TENM3: variants seen among roughly 807,000 people sequenced by gnomAD.
TENM3 encodes teneurin transmembrane protein 3.
In TENM3, 63 loss-of-function variants were observed where a neutral mutation model predicts 255.1. That is an observed-to-expected ratio of 0.25 (90% CI 0.20 to 0.30). The LOEUF is 0.30. Ranked by LOEUF, TENM3 falls within the 10% of genes least tolerant of loss-of-function variation. TENM3 has a pLI of 1.00. For missense variants in TENM3, 2,929 were observed against 3,461.1 expected (o/e 0.85, Z 3.86); for synonymous variants, 1,306 against 1,322.3 (o/e 0.99, Z 0.27).
intron 1 of TENM3, among the ~76,000 whole-genome samples, chr4:182,296,197 A>C (rs143688320): frequency 6.6e-6 from 1 of 152,160 alleles, no homozygotes; most frequent in Non-Finnish European, 1.5e-5. Flanking sequence ...TCCCGACCTC[A>C]GATGATTCGC....
chr4:181,745,420 G>A, the TENM3 span, among the ~76,000 whole-genome samples: 3 of 152,162 alleles, frequency 2.0e-5, no homozygotes, highest in Non-Finnish European at 2.9e-5. Flanking sequence ...AAGGGAGAAA[G>A]CGTTTTTTAA....
chr4:181,783,949 C>G, the TENM3 span, among the ~76,000 whole-genome samples: 1 of 152,162 alleles, frequency 6.6e-6, no homozygotes, highest in Non-Finnish European at 1.5e-5. Context: ...AGTCCTCCAG[C>G]CTTGGCCTCC....
At chr4:181,888,526 ACATATATG>A in the TENM3 span, among the ~76,000 whole-genome samples, 26 of 87,722 alleles carry the variant, frequency 3.0e-4, no homozygotes, top group African/African-American at 1.4e-3. Context: ...GTATATATAT[ACATATATG>A]TGTATATATA....
chr4:181,728,777 A>G, the TENM3 span, among the ~76,000 whole-genome samples: 1 of 152,142 alleles, frequency 6.6e-6, no homozygotes, highest in East Asian at 1.9e-4. Context: ...CCTCCTGGGA[A>G]TGCAGCCCAG....
chr4:182,431,052 CAAACAA>C (rs1771604784), intron 3 of TENM3, among the ~76,000 whole-genome samples: 1 of 141,130 alleles, frequency 7.1e-6, no homozygotes, highest in Non-Finnish European at 1.5e-5. Context: ...AACAAACAAA[CAAACAA>C]ATAAATAACT....
chr4:181,840,081 T>C, the TENM3 span, among the ~76,000 whole-genome samples: 1 of 152,114 alleles, frequency 6.6e-6, no homozygotes, highest in South Asian at 2.1e-4. Context: ...TGCATGTTTT[T>C]ATTGCCTTTT....
chr4:181,912,750 C>T, the TENM3 span, among the ~76,000 whole-genome samples: 1 of 148,744 alleles, frequency 6.7e-6, no homozygotes, highest in African/African-American at 2.5e-5. Context: ...CCAGCCTGGG[C>T]CACAAAGCAA....
At chr4:181,472,550 G>C in the TENM3 span, among the ~76,000 whole-genome samples, 4 of 152,096 alleles carry the variant, frequency 2.6e-5, no homozygotes, top group African/African-American at 4.8e-5. Context: ...GAGCACAGGG[G>C]AGGTGACTTC....
chr4:181,473,284 G>A, the TENM3 span, among the ~76,000 whole-genome samples: 2 of 152,076 alleles, frequency 1.3e-5, no homozygotes, highest in Non-Finnish European at 2.9e-5. Context: ...TGAGAAAACT[G>A]TTAAATAAGA....
At chr4:181,714,715 T>A in the TENM3 span, among the ~76,000 whole-genome samples, 1 of 152,350 alleles carries the variant, frequency 6.6e-6, no homozygotes, top group South Asian at 2.1e-4. Context: ...GAGTTCTTTT[T>A]TTATGAAAAT....
chr4:182,383,290 C>T (rs1425920287), intron 3 of TENM3, among the ~76,000 whole-genome samples: 3 of 151,980 alleles, frequency 2.0e-5, no homozygotes, highest in Non-Finnish European at 4.4e-5. Flanking sequence ...TGGGGGTTCT[C>T]TCTAAACTGA....
At chr4:182,392,841 T>C (rs534834522) in intron 3 of TENM3, among the ~76,000 whole-genome samples, 1 of 152,274 alleles carries the variant, frequency 6.6e-6, no homozygotes, top group East Asian at 1.9e-4. Context: ...TAGGAGAAGC[T>C]GTCTGAGCTA....
At chr4:182,583,509 T>C (rs962572723) in intron 3 of TENM3, among the ~76,000 whole-genome samples, 1 of 152,120 alleles carries the variant, frequency 6.6e-6, no homozygotes, top group African/African-American at 2.4e-5. Flanking sequence ...GAGTAAAATA[T>C]GTTAGTGATA....
chr4:182,486,868 C>G (rs1337621328), intron 3 of TENM3, among the ~76,000 whole-genome samples: 1 of 152,196 alleles, frequency 6.6e-6, no homozygotes, highest in Non-Finnish European at 1.5e-5. Flanking sequence ...TAAGATGAGT[C>G]TAGTCCCTTG....
At chr4:181,637,011 C>T in the TENM3 span, among the ~76,000 whole-genome samples, 914 of 152,270 alleles carry the variant, frequency 6.0e-3, 9 homozygotes, top group African/African-American at 0.02. Flanking sequence ...ACACACTGCA[C>T]ATTCGGTTTC....
intron 3 of TENM3, among the ~76,000 whole-genome samples, chr4:182,496,934 TAC>T (rs752019156): frequency 6.6e-6 from 1 of 152,176 alleles, no homozygotes; most frequent in Non-Finnish European, 1.5e-5. Context: ...TATTGTAGAA[TAC>T]ACCAGAATAA....
intron 2 of TENM3, among the ~76,000 whole-genome samples, chr4:182,329,069 AC>A (rs1323560410): frequency 6.6e-6 from 1 of 151,958 alleles, no homozygotes; most frequent in Non-Finnish European, 1.5e-5. Flanking sequence ...TGTATCTTGG[AC>A]CCTGGCATGA....
At chr4:182,092,692 C>T in the TENM3 span, among the ~76,000 whole-genome samples, 7 of 152,254 alleles carry the variant, frequency 4.6e-5, no homozygotes, top group South Asian at 1.5e-3. Context: ...AAAGAATAAG[C>T]TGGCATCTTC....
chr4:181,891,320 A>T, the TENM3 span, among the ~76,000 whole-genome samples: 2 of 152,152 alleles, frequency 1.3e-5, no homozygotes, highest in Non-Finnish European at 2.9e-5. Flanking sequence ...AGAAACTAAC[A>T]TTTGCACTAA....
Sources: allele counts gnomAD v4.1 joint callset (sites outside exome capture counted in the v4.1 genomes callset), GRCh38; gene constraint gnomAD v4.1.1; transcripts MANE v1.5; gene names NCBI Gene and HGNC (gene_info 2026-07-23, HGNC 2026-07-21).